Variants in BBOX1 observed in about 807,000 individuals in gnomAD.
The protein encoded by BBOX1 is gamma-butyrobetaine dioxygenase.
Under a neutral mutation model 41.6 loss-of-function variants are expected in BBOX1, and 35 were observed. The observed-to-expected ratio is 0.84, with a 90% confidence interval of 0.64 to 1.11. The LOEUF is 1.11. BBOX1 is among the 50% of genes most tolerant of loss of function. The probability of loss-of-function intolerance (pLI) is 0.00; values close to 1 mark genes in which losing one functional copy is unlikely to be tolerated. For missense variants in BBOX1, 458 were observed against 460.6 expected (o/e 0.99, Z 0.05); for synonymous variants, 163 against 154.7 (o/e 1.05, Z -0.40).
At chr11:27,119,913 G>A (rs1859404791) in intron 7 of BBOX1, 68 bp downstream of exon 7, 2 of 1,006,804 alleles carry the variant, frequency 2.0e-6, no homozygotes, top group Admixed American at 7.2e-5. Context: ...CTAATCTAAA[G>A]TTTAAACAGC....
intron 2 of BBOX1, among the ~76,000 whole-genome samples, chr11:27,051,398 T>G (rs916536658): frequency 6.6e-6 from 1 of 152,046 alleles, no homozygotes; most frequent in Non-Finnish European, 1.5e-5. Flanking sequence ...AAAATTTGAG[T>G]AGAATTTGTG....
chr11:27,087,792 G>A (rs1858096382), intron 4 of BBOX1, among the ~76,000 whole-genome samples: 1 of 152,040 alleles, frequency 6.6e-6, no homozygotes, highest in Admixed American at 6.6e-5. Context: ...ATGGCCCTTA[G>A]TCTCTGATTT....
intron 4 of BBOX1, among the ~76,000 whole-genome samples, chr11:27,063,766 C>G (rs561320536): frequency 6.6e-6 from 1 of 152,092 alleles, no homozygotes; most frequent in African/African-American, 2.4e-5. Flanking sequence ...CTATAACGCA[C>G]TCCTTTGTTT....
chr11:27,068,215 A>G (rs1230705865), intron 4 of BBOX1, among the ~76,000 whole-genome samples: 3 of 152,000 alleles, frequency 2.0e-5, no homozygotes, highest in Non-Finnish European at 4.4e-5. Context: ...TTCCCTTTTC[A>G]CCACATCCAT....
chr11:27,090,612 G>A lies in BBOX1; in HGVS notation c.335-2556G>A, dbSNP rs922467950. ...TAAGGGTCTATTTTCAGCGGTGCAC[G>A]TATTGTCTGGATAAACATCTTAAAC... is the stretch of plus-strand genomic sequence containing the variant. On this transcript the variant is annotated intron_variant, in intron 4 of 8. Transcript: ENST00000263182. Among the ~76,000 whole-genome samples the A allele has an allele frequency of 4.0e-5, 6 of 151,872 alleles. No individual in the cohort carries two copies. The East Asian group carries it at 5.8e-4, about 15-fold the overall frequency.
intron 4 of BBOX1, among the ~76,000 whole-genome samples, chr11:27,086,537 CA>C (rs1858046708): frequency 6.6e-6 from 1 of 152,074 alleles, no homozygotes; most frequent in African/African-American, 2.4e-5. Flanking sequence ...AGATGCTTTT[CA>C]AAATACTACT....
chr11:27,050,558 C>A (rs1344547324), intron 2 of BBOX1, among the ~76,000 whole-genome samples: 1 of 152,000 alleles, frequency 6.6e-6, no homozygotes, highest in African/African-American at 2.4e-5. Flanking sequence ...GTGTATAGAT[C>A]TTTTACTCCT....
At chr11:27,113,324 T>G (rs1381789982) in intron 5 of BBOX1, among the ~76,000 whole-genome samples, 1 of 151,778 alleles carries the variant, frequency 6.6e-6, no homozygotes, top group Non-Finnish European at 1.5e-5. Context: ...GAATATAAAT[T>G]GTTCTACTAT....
At chr11:27,112,444 T>C (rs889625374) in intron 5 of BBOX1, among the ~76,000 whole-genome samples, 1 of 151,776 alleles carries the variant, frequency 6.6e-6, no homozygotes, top group Admixed American at 6.6e-5. Context: ...ATTTAAAAAT[T>C]GAGTTTCTCA....
intron 4 of BBOX1, among the ~76,000 whole-genome samples, chr11:27,063,702 C>G (rs1857200701): frequency 6.6e-6 from 1 of 151,806 alleles, no homozygotes. Context: ...TTATGCCTCT[C>G]TCATGGCAGT....
chr11:27,091,325 C>T (rs1858234243), intron 4 of BBOX1, among the ~76,000 whole-genome samples: 1 of 151,970 alleles, frequency 6.6e-6, no homozygotes, highest in Non-Finnish European at 1.5e-5. Flanking sequence ...TCAAAACCTA[C>T]TGCATATCAC....
chr11:27,075,090 A>G (rs12282200), intron 4 of BBOX1, among the ~76,000 whole-genome samples: 35,282 of 152,034 alleles, frequency 0.23, 4,797 homozygotes, highest in African/African-American at 0.36. Context: ...TCTCATTTGG[A>G]TAGACTATTT....
intron 6 of BBOX1, among the ~76,000 whole-genome samples, chr11:27,115,838 G>A (rs2304912): frequency 0.033 from 5,067 of 151,934 alleles, 127 homozygotes; most frequent in South Asian, 0.11. Flanking sequence ...GCTTTGCCAA[G>A]ACAGATTTTA....
chr11:27,093,300 C>G lies in BBOX1; in HGVS notation c.467C>G (p.Ser156Cys). ...KVGIVRLTGA[S>C]DKPGEVSKLG... ...GGCATAGTAAGACTCACCGGAGCAT[C>G]TGACAAACCAGGAGAAGTTTCAAAA... The change falls in exon 5 of 9, where the codon TCT becomes TGT. Residue 156 changes from serine (S) to cysteine (C), a missense_variant. Ser to Cys is a moderately radical substitution (Grantham distance 112). Coordinates refer to ENST00000263182, the MANE Select transcript of BBOX1 (RefSeq NM_003986.3). The G allele has an allele frequency of 6.2e-7, 1 of 1,612,578 alleles. No individual in the cohort carries two copies. Among genetic ancestry groups the G allele is most frequent in the East Asian group, 2.2e-5 (1 of 44,792 alleles).
At chr11:27,078,321 C>T (rs1466687113) in intron 4 of BBOX1, among the ~76,000 whole-genome samples, 1 of 152,058 alleles carries the variant, frequency 6.6e-6, no homozygotes, top group African/African-American at 2.4e-5. Context: ...ACACATTTTT[C>T]TTTTCTTTTT....
intron 4 of BBOX1, among the ~76,000 whole-genome samples, chr11:27,087,516 T>G (rs886949111): frequency 6.6e-6 from 1 of 152,152 alleles, no homozygotes. Flanking sequence ...TACAGTATAA[T>G]GTAAACATAA....
At chr11:27,045,816 T>G (rs952819289) in intron 2 of BBOX1, among the ~76,000 whole-genome samples, 11 of 152,282 alleles carry the variant, frequency 7.2e-5, no homozygotes, top group African/African-American at 2.2e-4. Flanking sequence ...TAAATCAGCC[T>G]TCTCAGGTAC....
At chr11:27,120,165 C>T (rs761983296) in intron 7 of BBOX1, among the ~76,000 whole-genome samples, 1 of 152,054 alleles carries the variant, frequency 6.6e-6, no homozygotes, top group Admixed American at 6.6e-5. Flanking sequence ...AAGAATATAA[C>T]TCAAAATAGG....
intron 2 of BBOX1, chr11:27,055,117 A>G (rs1313617432): frequency 4.0e-6 from 1 of 252,448 alleles, no homozygotes; most frequent in Non-Finnish European, 7.7e-6. Flanking sequence ...TTCTGAACTT[A>G]ATATCTGAAT....
Sources: allele counts gnomAD v4.1 joint callset (sites outside exome capture counted in the v4.1 genomes callset), GRCh38; gene constraint gnomAD v4.1.1; transcripts MANE v1.5; gene names NCBI Gene and HGNC (gene_info 2026-07-23, HGNC 2026-07-21).